ZNF652: variants seen among roughly 807,000 people sequenced by gnomAD.
The protein encoded by ZNF652 is zinc finger protein 652.
ZNF652 carries 16 observed loss-of-function variants against 45.2 expected under a neutral mutation model. That is an observed-to-expected ratio of 0.35 (90% CI 0.24 to 0.54). The LOEUF (loss-of-function observed/expected upper bound fraction) is 0.54, where lower values mean the gene tolerates loss of function less well. Among genes scored for constraint, ZNF652 ranks in the 20% least tolerant of loss-of-function variants. The probability of loss-of-function intolerance (pLI) is 0.91; values close to 1 mark genes in which losing one functional copy is unlikely to be tolerated. For synonymous variants in ZNF652, 250 were observed against 260.6 expected, an observed-to-expected ratio of 0.96 and a Z score of 0.39; for missense variants, 614 against 765.6, an observed-to-expected ratio of 0.80 and a Z score of 2.34.
Position 49,290,812 on chromosome 17 carries a change from C to T in ZNF652, c.*7601G>A, listed in dbSNP as rs2069396105. The T allele has an allele frequency of 6.6e-6, 1 of 152,192 alleles. No homozygotes were observed. Among genetic ancestry groups the T allele is most frequent in the South Asian group, 2.1e-4 (1 of 4,834 alleles). 9.4% of individuals were successfully genotyped at this position (152,192 alleles called of 1,614,324 possible). On this transcript the variant is annotated 3_prime_UTR_variant, in exon 6 of 6. Transcript: ENST00000430262. ...GAAAATTTCTTAAATAATCAAAATA[C>T]ATGAATAAGCTTTGAGCTAAGAGGC...
chr17:49,355,493 CTT>C (rs1487432781), intron 1 of ZNF652, among the ~76,000 whole-genome samples: 2 of 152,234 alleles, frequency 1.3e-5, no homozygotes, highest in East Asian at 3.9e-4. Context: ...GAGATGATCT[CTT>C]GAGTCTGGGA....
chr17:49,322,743 G>A (rs775814713), intron 1 of ZNF652, among the ~76,000 whole-genome samples: 9 of 152,078 alleles, frequency 5.9e-5, no homozygotes, highest in Non-Finnish European at 1.3e-4. Flanking sequence ...AAATTAGCTG[G>A]GTGTGGAGGC....
intron 2 of ZNF652, among the ~76,000 whole-genome samples, chr17:49,314,653 T>C (rs1044108507): frequency 3.3e-5 from 5 of 152,050 alleles, no homozygotes; most frequent in Non-Finnish European, 7.4e-5. Context: ...TGTATCAGAG[T>C]ATTTCTGGTT....
At chr17:49,354,095 CAAG>C (rs1428328226) in intron 1 of ZNF652, among the ~76,000 whole-genome samples, 1 of 152,114 alleles carries the variant, frequency 6.6e-6, no homozygotes, top group Admixed American at 6.5e-5. Flanking sequence ...CATAATCTAA[CAAG>C]AAGAAATCAG....
chr17:49,298,392 A>G lies in ZNF652; in HGVS notation c.*21T>C, dbSNP rs2069503208. The G allele has an allele frequency of 6.2e-7, 1 of 1,611,644 alleles. No homozygotes were observed. Among genetic ancestry groups the G allele is most frequent in the Non-Finnish European group, 8.5e-7 (1 of 1,179,770 alleles). ...ACACATGGGGACGTGTCTCCTGGAG[A>G]ACACACTAAGGAGACGGATGTTAAT... is the stretch of plus-strand genomic sequence containing the variant. On this transcript the variant is annotated 3_prime_UTR_variant, in exon 6 of 6. Transcript: ENST00000430262.
At chr17:49,339,982 T>A (rs2070127761) in intron 1 of ZNF652, among the ~76,000 whole-genome samples, 1 of 152,126 alleles carries the variant, frequency 6.6e-6, no homozygotes, top group Non-Finnish European at 1.5e-5. Flanking sequence ...TCCACCTGCC[T>A]CTGTTTCTCA....
chr17:49,305,758 A>G (rs1191897813), intron 5 of ZNF652, among the ~76,000 whole-genome samples: 1 of 152,032 alleles, frequency 6.6e-6, no homozygotes. Context: ...GCCTGGTATA[A>G]GAAGAATCAG....
rs186095672 is a variant in ZNF652 at position 49,335,761 on chromosome 17, C to T, written c.-258-17778G>A. On this transcript the variant is annotated intron_variant, in intron 1 of 5. Coordinates refer to ENST00000430262, the MANE Select transcript of ZNF652 (RefSeq NM_001145365.3). ...GAGATACTTGGGTTAAGAAAACAGT[C>T]CACAGTCTTTAAATAAATATGATGC... 3.0e-3 allele frequency among the ~76,000 whole-genome samples: 459 copies of T among 152,238 alleles called. 1 individual carries two copies. The highest frequency in any genetic ancestry group is 5.6e-3 in the Non-Finnish European group (384 of 68,024).
At chr17:49,329,082 G>GA (rs1352814367) in intron 1 of ZNF652, among the ~76,000 whole-genome samples, 1 of 152,188 alleles carries the variant, frequency 6.6e-6, no homozygotes, top group African/African-American at 2.4e-5. Flanking sequence ...CTTAGCTGGT[G>GA]AAACTCATAC....
At chr17:49,327,773 ATATATATTTTTTTT>A (rs1567690572) in intron 1 of ZNF652, among the ~76,000 whole-genome samples, 1 of 2,840 alleles carries the variant, frequency 3.5e-4, no homozygotes, top group African/African-American at 1.6e-3. Flanking sequence ...ATATATATAT[ATATATATTTTTTTT>A]TTTTTTTTTT....
Position 49,296,968 on chromosome 17 carries a change from T to A in ZNF652, c.*1445A>T, listed in dbSNP as rs563622219. The A allele has an allele frequency of 1.2e-4, 18 of 152,300 alleles. No individual in the cohort carries two copies. Among genetic ancestry groups the A allele is most frequent in the African/African-American group, 3.9e-4 (16 of 41,558 alleles). 9.4% of individuals were successfully genotyped at this position (152,300 alleles called of 1,614,324 possible). A position where few individuals can be genotyped will look rare whatever the true frequency, so the allele number is the denominator to read the frequency against. On this transcript the variant is annotated 3_prime_UTR_variant, in exon 6 of 6. Transcript: ENST00000430262. ...CTTGAAAAAGTAATCTGCCTAAAGG[T>A]ACTAGAGGTGCTGCTCTCTTTATCG...
In ZNF652 at chr17:49,348,479, A is replaced by AAAAAGAAAAGAAAAGAAAAGAAAAG. The variant is rs55939949; in HGVS notation, c.-259+13405_-259+13429dup. 8.8e-3 allele frequency among the ~76,000 whole-genome samples: 985 copies of AAAAAGAAAAGAAAAGAAAAGAAAAG among 111,892 alleles called. 23 individuals carry two copies. Among genetic ancestry groups the AAAAAGAAAAGAAAAGAAAAGAAAAG allele is most frequent in the East Asian group, 0.021 (77 of 3,594 alleles). The allele number at this position is 111,892 out of a possible 152,430, so 73.4% of individuals were successfully genotyped here. On this transcript the variant is annotated intron_variant, in intron 1 of 5. Coordinates refer to ENST00000430262, the MANE Select transcript of ZNF652 (RefSeq NM_001145365.3). ...GGTGACAGAGCAAGACCTTGCCTCA[A>AAAAAGAAAAGAAAAGAAAAGAAAAG]AAAAGAAAAGAAAAGAAAAGAAAAG...
rs2069736206 is a variant in ZNF652, at chr17:49,312,863, AAAT to A, written c.901-21_901-19del. 6.2e-7 allele frequency: 1 copy of A among 1,607,306 alleles called. No individual in the cohort carries two copies. Among genetic ancestry groups the A allele is most frequent in the African/African-American group, 1.3e-5 (1 of 74,446 alleles). On this transcript the variant is annotated intron_variant, in intron 2 of 5. Transcript: ENST00000430262. Reference sequence around the variant, plus strand: ...GAAACACACTGAGCAGGATAAATAGAAATAATATTTATAGGGGCTTACAGCATG... The same window carrying A: ...GAAACACACTGAGCAGGATAAATAGAAATATTTATAGGGGCTTACAGCATG...
At chr17:49,346,735 T>C (rs1386534244) in intron 1 of ZNF652, among the ~76,000 whole-genome samples, 3 of 152,202 alleles carry the variant, frequency 2.0e-5, no homozygotes, top group African/African-American at 7.2e-5. Flanking sequence ...TTTTATCACA[T>C]CAAAATGTAT....
Position 49,312,826 on chromosome 17 carries a change from G to A in ZNF652, c.920C>T (p.Ser307Leu), listed in dbSNP as rs774283118. Residue 307 changes from serine to leucine, a missense_variant, in exon 3 of 6, where the codon TCG becomes TTG. By Grantham distance (145) the Ser-to-Leu change is moderately radical. Around this residue, in one of 5 missense-constraint regions of ZNF652, gnomAD observed 262 missense variants for 306.3 expected, o/e 0.86. Transcript: ENST00000430262. ...ATGAAGGGACCAGAGTTTCTTGAAC[G>A]ATTTGTTACAGGAAACACACTGAGC... ...KNIQCVSCNK[S>L]FKKLWSLHEH... 9 of 1,613,682 alleles carry A rather than the reference G, an allele frequency of 5.6e-6. No homozygotes were observed. The highest frequency in any genetic ancestry group is 4.5e-5 in the East Asian group (2 of 44,876).
intron 1 of ZNF652, among the ~76,000 whole-genome samples, chr17:49,359,761 C>T (rs549220032): frequency 6.6e-6 from 1 of 152,220 alleles, no homozygotes; most frequent in East Asian, 1.9e-4. Flanking sequence ...AGGCTGAATT[C>T]CCTAACCACA....
At chr17:49,350,084 C>T (rs1322918968) in intron 1 of ZNF652, among the ~76,000 whole-genome samples, 2 of 152,006 alleles carry the variant, frequency 1.3e-5, no homozygotes, top group African/African-American at 4.8e-5. Context: ...GAATTAAATA[C>T]GAAGTGTAGT....
At position 49,294,972 on chromosome 17, in the gene ZNF652, A is replaced by G. The variant is rs994898437; in HGVS notation, c.*3441T>C. The G allele has an allele frequency of 1.3e-5, 2 of 152,226 alleles. No homozygotes were observed. Among genetic ancestry groups the G allele is most frequent in the African/African-American group, 4.8e-5 (2 of 41,468 alleles). 9.4% of individuals were successfully genotyped at this position (152,226 alleles called of 1,614,324 possible). On this transcript the variant is annotated 3_prime_UTR_variant, in exon 6 of 6. Transcript: ENST00000430262. ...GAACATACCACATAATGCAACTTTT[A>G]TCTTACAAAGAGGACCCCAACCAAA...
At chr17:49,310,245 G>A (rs183131420) in intron 5 of ZNF652, among the ~76,000 whole-genome samples, 4 of 152,252 alleles carry the variant, frequency 2.6e-5, no homozygotes, top group African/African-American at 7.2e-5. Context: ...GAGCCACCGC[G>A]CCCGGCCCTC....
Sources: allele counts gnomAD v4.1 joint callset (sites outside exome capture counted in the v4.1 genomes callset), GRCh38; gene constraint gnomAD v4.1.1; regional missense constraint gnomAD v4.1.1; transcripts MANE v1.5; gene names NCBI Gene and HGNC (gene_info 2026-07-23, HGNC 2026-07-21).